DHRSX: variants seen among roughly 807,000 people sequenced by gnomAD.
The protein encoded by DHRSX is dehydrogenase/reductase X-linked.
Under a neutral mutation model 34.0 loss-of-function variants are expected in DHRSX, and 31 were observed. That is an observed-to-expected ratio of 0.91 (90% CI 0.69 to 1.23). The LOEUF is 1.23. Ranked by LOEUF, DHRSX falls within the 50% of genes most tolerant of loss-of-function variation. The pLI, the probability that DHRSX is intolerant of heterozygous loss-of-function variation, is 0.00. For missense variants in DHRSX, 414 were observed against 428.1 expected (o/e 0.97, Z 0.29); for synonymous variants, 201 against 183.8 (o/e 1.09, Z -0.76).
intron 6 of DHRSX, among the ~76,000 whole-genome samples, chrX:2,222,063 A>T (rs1603473093): frequency 1.3e-5 from 2 of 152,202 alleles, no homozygotes; most frequent in African/African-American, 4.8e-5. Flanking sequence ...GGACACAGTA[A>T]TGAGGCACCG....
chrX:2,450,166 AAAT>A (rs2044197042), intron 1 of DHRSX, among the ~76,000 whole-genome samples: 1 of 152,046 alleles, frequency 6.6e-6, no homozygotes. Flanking sequence ...ATAAATAAAT[AAAT>A]AAAACACAGT....
At chrX:2,338,877 T>C (rs1267899388) in intron 3 of DHRSX, among the ~76,000 whole-genome samples, 1 of 152,070 alleles carries the variant, frequency 6.6e-6, no homozygotes, top group Non-Finnish European at 1.5e-5. Context: ...GGGGTATTTA[T>C]GTCACTAGTG....
intron 3 of DHRSX, among the ~76,000 whole-genome samples, chrX:2,318,069 G>A (rs2042261508): frequency 6.6e-6 from 1 of 152,032 alleles, no homozygotes; most frequent in South Asian, 2.1e-4. Flanking sequence ...TGAAGGCCAG[G>A]TGCAGTGGCT....
At position 2,372,074 on chromosome X, in the gene DHRSX, T is replaced by C. The variant is rs771868371; in HGVS notation, c.286+36671A>G. On this transcript the variant is annotated intron_variant, in intron 3 of 6. Transcript: ENST00000334651. ...CACACGTGACCCCTGACCCCTGTTC[T>C]GGGCACCATCGTCGGAGAAATTTTC... Among the ~76,000 whole-genome samples, 70 of 152,300 alleles carry C rather than the reference T, an allele frequency of 4.6e-4. No homozygotes were observed. In the East Asian group the frequency reaches 0.013, roughly 28 times the overall value.
At chrX:2,355,641 A>C (rs1306261900) in intron 3 of DHRSX, among the ~76,000 whole-genome samples, 1 of 152,052 alleles carries the variant, frequency 6.6e-6, no homozygotes, top group Non-Finnish European at 1.5e-5. Context: ...AGAGCACAAA[A>C]ATATTAAACG....
At chrX:2,312,389 C>G (rs893193811) in intron 3 of DHRSX, among the ~76,000 whole-genome samples, 1 of 152,078 alleles carries the variant, frequency 6.6e-6, no homozygotes, top group African/African-American at 2.4e-5. Context: ...GAATACTATG[C>G]AGCCATAAAA....
intron 1 of DHRSX, among the ~76,000 whole-genome samples, chrX:2,467,164 T>A (rs906668556): frequency 1.3e-5 from 2 of 152,018 alleles, no homozygotes; most frequent in African/African-American, 4.8e-5. Flanking sequence ...GGTAGTGTCT[T>A]AGGAAATCAG....
intron 3 of DHRSX, among the ~76,000 whole-genome samples, chrX:2,351,072 G>A (rs1221843608): frequency 2.0e-5 from 3 of 152,080 alleles, no homozygotes; most frequent in Non-Finnish European, 2.9e-5. Flanking sequence ...ACACACCGGG[G>A]CCTGTCAGGG....
intron 3 of DHRSX, among the ~76,000 whole-genome samples, chrX:2,379,413 G>T (rs1025984169): frequency 6.6e-6 from 1 of 152,060 alleles, no homozygotes; most frequent in Non-Finnish European, 1.5e-5. Flanking sequence ...CAAACGAAGG[G>T]TTAATTAATC....
intron 3 of DHRSX, among the ~76,000 whole-genome samples, chrX:2,341,651 CTT>C (rs112680079): frequency 0.019 from 2,288 of 120,984 alleles, 25 homozygotes; most frequent in Non-Finnish European, 0.029. Context: ...GTGAACTTGT[CTT>C]TTTTTTTTTT....
chrX:2,411,737 C>G (rs557470185), intron 2 of DHRSX, among the ~76,000 whole-genome samples: 83 of 97,624 alleles, frequency 8.5e-4, no homozygotes, highest in South Asian at 4.4e-3. Flanking sequence ...AAAAAGAAAA[C>G]AAAACAAAAC....
intron 3 of DHRSX, among the ~76,000 whole-genome samples, chrX:2,308,820 G>A (rs1264048455): frequency 6.7e-6 from 1 of 149,740 alleles, no homozygotes; most frequent in Non-Finnish European, 1.5e-5. Flanking sequence ...TGGAAGGAGG[G>A]AAGAAAGAAA....
chrX:2,379,795 T>G (rs2043183799), intron 3 of DHRSX, among the ~76,000 whole-genome samples: 1 of 151,842 alleles, frequency 6.6e-6, no homozygotes, highest in Admixed American at 6.6e-5. Flanking sequence ...CAGGCTTTCT[T>G]TAATCCACTT....
intron 3 of DHRSX, among the ~76,000 whole-genome samples, chrX:2,359,443 C>T (rs189100893): frequency 6.6e-6 from 1 of 152,190 alleles, no homozygotes; most frequent in Admixed American, 6.5e-5. Flanking sequence ...TTTGGGAGGC[C>T]AAGGCGGGTG....
chrX:2,282,777 GGA>G lies in DHRSX; in HGVS notation c.388+8723_388+8724del, dbSNP rs755201130. Among the ~76,000 whole-genome samples, 61 of 45,858 alleles carry G rather than the reference GGA, an allele frequency of 1.3e-3. 5 individuals carry two copies. The highest frequency in any genetic ancestry group is 4.0e-3 in the African/African-American group (49 of 12,128). The allele number at this position is 45,858 out of a possible 152,430, so 30.1% of individuals were successfully genotyped here. ...GAGAAGAGGGGAGAAAGCGAGGGAG[GGA>G]GGGGGAGAGAGAGAAGAAAGAGAGA... On this transcript the variant is annotated intron_variant, in intron 4 of 6. Coordinates refer to ENST00000334651, the MANE Select transcript of DHRSX (RefSeq NM_145177.3).
chrX:2,358,148 G>A (rs1042360574), intron 3 of DHRSX, among the ~76,000 whole-genome samples: 1 of 152,100 alleles, frequency 6.6e-6, no homozygotes, highest in Non-Finnish European at 1.5e-5. Context: ...GCTAACACTT[G>A]GTTTAAAGTT....
intron 3 of DHRSX, among the ~76,000 whole-genome samples, chrX:2,333,949 C>T (rs34899760): frequency 0.33 from 50,540 of 151,974 alleles, 11,889 homozygotes; most frequent in African/African-American, 0.67. Flanking sequence ...TACAGCTGCA[C>T]AGTATTCCAC....
intron 3 of DHRSX, among the ~76,000 whole-genome samples, chrX:2,364,293 G>A (rs953146225): frequency 7.9e-5 from 12 of 152,238 alleles, no homozygotes; most frequent in South Asian, 2.1e-4. Context: ...TTATAACTGC[G>A]GTGGGGGGTA....
At chrX:2,262,924 G>A (rs1192318804) in intron 5 of DHRSX, among the ~76,000 whole-genome samples, 3 of 152,198 alleles carry the variant, frequency 2.0e-5, no homozygotes, top group Admixed American at 6.5e-5. Flanking sequence ...CCCTCCCTTC[G>A]TTACATCCTG....
Sources: allele counts gnomAD v4.1 joint callset (sites outside exome capture counted in the v4.1 genomes callset), GRCh38; gene constraint gnomAD v4.1.1; transcripts MANE v1.5; gene names NCBI Gene and HGNC (gene_info 2026-07-23, HGNC 2026-07-21).